Variants in ST3GAL1 observed in about 807,000 individuals in gnomAD.
The protein encoded by ST3GAL1 is ST3 beta-galactoside alpha-2,3-sialyltransferase 1.
ST3GAL1 carries 16 observed loss-of-function variants against 34.1 expected under a neutral mutation model. The ratio of observed to expected loss-of-function variants is 0.47; its 90% CI spans 0.32 to 0.71. The LOEUF is 0.71. ST3GAL1 is among the 30% of genes least tolerant of loss of function. The pLI is 0.04. For synonymous variants in ST3GAL1, 191 were observed against 184.7 expected, an observed-to-expected ratio of 1.03 and a Z score of -0.28; for missense variants, 353 against 447.4, an observed-to-expected ratio of 0.79 and a Z score of 1.90.
At chr8:133,567,620 G>A (rs1011952351) in intron 1 of ST3GAL1, among the ~76,000 whole-genome samples, 1 of 152,172 alleles carries the variant, frequency 6.6e-6, no homozygotes, top group Admixed American at 6.5e-5. Flanking sequence ...TCAGGTTTCA[G>A]ACCTCAGAGT....
chr8:133,545,493 T>C (rs141408610), intron 2 of ST3GAL1, among the ~76,000 whole-genome samples: 1 of 152,344 alleles, frequency 6.6e-6, no homozygotes, highest in African/African-American at 2.4e-5. Context: ...TCCAGGTTTT[T>C]ACTTACCAGT....
At chr8:133,512,163 G>C (rs1370808960) in intron 2 of ST3GAL1, among the ~76,000 whole-genome samples, 2 of 152,188 alleles carry the variant, frequency 1.3e-5, no homozygotes, top group South Asian at 2.1e-4. Flanking sequence ...TGGTGGATCA[G>C]TATGAGACCC....
At position 133,471,320 on chromosome 8, in the gene ST3GAL1, G is replaced by A. The variant is rs192369932; in HGVS notation, c.306+4399C>T. ...ACAACTGAGCCCCTATCACATCCCC[G>A]GTGCCGTGTGGGGTGGACAGGTGGG... On this transcript the variant is annotated intron_variant, in intron 5 of 9. Coordinates refer to ENST00000522652, the MANE Select transcript of ST3GAL1 (RefSeq NM_173344.3). Among the ~76,000 whole-genome samples the A allele has an allele frequency of 5.5e-4, 84 of 152,196 alleles. 1 individual carries two copies. The highest frequency in any genetic ancestry group is 2.4e-4 in the Non-Finnish European group (16 of 68,024).
intron 3 of ST3GAL1, among the ~76,000 whole-genome samples, chr8:133,482,445 C>T (rs1465072136): frequency 6.6e-6 from 1 of 152,216 alleles, no homozygotes; most frequent in East Asian, 1.9e-4. Flanking sequence ...CCTCCTCACA[C>T]CAGCCAAGTG....
At chr8:133,480,270 T>C (rs1816332181) in intron 3 of ST3GAL1, among the ~76,000 whole-genome samples, 1 of 152,294 alleles carries the variant, frequency 6.6e-6, no homozygotes, top group Non-Finnish European at 1.5e-5. Flanking sequence ...GACTGAAAAG[T>C]AAGAATTTCC....
chr8:133,535,525 A>ATTTTCTTTTTTTTTTTTTT (rs1818283963), intron 2 of ST3GAL1, among the ~76,000 whole-genome samples: 1 of 144,936 alleles, frequency 6.9e-6, no homozygotes, highest in African/African-American at 2.7e-5. Context: ...GTATTTTTTA[A>ATTTTCTTTTTTTTTTTTTT]TTTTTTTTTT....
intron 2 of ST3GAL1, among the ~76,000 whole-genome samples, chr8:133,522,873 C>G (rs566609767): frequency 6.6e-6 from 1 of 152,114 alleles, no homozygotes; most frequent in Non-Finnish European, 1.5e-5. Flanking sequence ...CCTCACCAGG[C>G]GAGGGAAGGG....
intron 2 of ST3GAL1, among the ~76,000 whole-genome samples, chr8:133,540,411 C>T (rs1347496290): frequency 6.6e-6 from 1 of 152,274 alleles, no homozygotes; most frequent in African/African-American, 2.4e-5. Flanking sequence ...GGAGGAAATG[C>T]TTTAGCTCCA....
chr8:133,553,986 G>T (rs985738267), intron 1 of ST3GAL1, among the ~76,000 whole-genome samples: 2 of 152,100 alleles, frequency 1.3e-5, no homozygotes, highest in Admixed American at 1.3e-4. Flanking sequence ...GGTGTCCGGG[G>T]CCTTATTGCT....
chr8:133,464,717 G>A, intron 7 of ST3GAL1, 61 bp downstream of exon 7: 2 of 1,543,294 alleles, frequency 1.3e-6, no homozygotes, highest in Non-Finnish European at 1.8e-6. Context: ...CGGCAGGGTG[G>A]GGGGACAGGG....
In ST3GAL1 at chr8:133,534,869, T is replaced by C. The variant is rs114817749; in HGVS notation, c.-429+10905A>G. ...TCTCGGTGCTGGTGAGGGAAAGGCA[T>C]GCCTGGCCCACAGGGTGCTCTGTGA... On this transcript the variant is annotated intron_variant, in intron 2 of 9. Transcript: ENST00000522652. Among the ~76,000 whole-genome samples, 1,490 of 152,290 alleles carry C rather than the reference T, an allele frequency of 9.8e-3. 25 individuals are homozygous for C. Among genetic ancestry groups the C allele is most frequent in the African/African-American group, 0.034 (1,411 of 41,556 alleles).
At chr8:133,562,855 T>TCTTTCTTTCTTTCTTTC (rs1563744754) in intron 1 of ST3GAL1, among the ~76,000 whole-genome samples, 1,782 of 147,556 alleles carry the variant, frequency 0.012, 51 homozygotes, top group African/African-American at 0.042. Context: ...TCTTTCTTTT[T>TCTTTCTTTCTTTCTTTC]TTTTTTTTTT....
At chr8:133,492,102 G>A (rs997210824) in intron 3 of ST3GAL1, among the ~76,000 whole-genome samples, 14 of 152,246 alleles carry the variant, frequency 9.2e-5, no homozygotes, top group African/African-American at 2.2e-4. Context: ...CGGGATGGAC[G>A]ATACGAGGGG....
Position 133,459,736 on chromosome 8 carries a change from G to C in ST3GAL1, c.*28C>G. ...GGGCTGGAAATGCAGAGGTGTGACA[G>C]TGCGTCCATCCTCAGCCCTTCACTG... On this transcript the variant is annotated 3_prime_UTR_variant, in exon 10 of 10. Transcript: ENST00000522652. This position sits in a 1 kb window ranked among gnomAD's most constrained non-coding sequence, Gnocchi z 4.7. 6.3e-7 allele frequency: 1 copy of C among 1,583,216 alleles called. No homozygotes were observed. Among genetic ancestry groups the C allele is most frequent in the Non-Finnish European group, 8.6e-7 (1 of 1,161,364 alleles).
intron 2 of ST3GAL1, among the ~76,000 whole-genome samples, chr8:133,541,086 T>C (rs1563734541): frequency 9.8e-6 from 1 of 101,546 alleles, no homozygotes; most frequent in Non-Finnish European, 1.9e-5. Context: ...TATAGACATA[T>C]ATATATAAAC....
chr8:133,459,675 C>T lies in ST3GAL1; in HGVS notation c.*89G>A. Reference sequence around the variant, plus strand: ...AGGCACACACCTGAGGCTGCCCCTCCAAGCTCCGGGATGGAACGGCTCCAG... The same window carrying T: ...AGGCACACACCTGAGGCTGCCCCTCTAAGCTCCGGGATGGAACGGCTCCAG... On this transcript the variant is annotated 3_prime_UTR_variant, in exon 10 of 10. Coordinates refer to ENST00000522652, the MANE Select transcript of ST3GAL1 (RefSeq NM_173344.3). The surrounding 1 kb of genome is among the most constrained non-coding windows in gnomAD (Gnocchi z 4.7). 1.3e-6 allele frequency: 2 copies of T among 1,494,488 alleles called. No individual in the cohort carries two copies. Among genetic ancestry groups the T allele is most frequent in the Non-Finnish European group, 1.8e-6 (2 of 1,115,606 alleles). 92.6% of individuals were successfully genotyped at this position (1,494,488 alleles called of 1,614,324 possible).
Position 133,556,265 on chromosome 8 carries a change from G to T in ST3GAL1, c.-581-10339C>A, listed in dbSNP as rs931258472. 1.3e-5 allele frequency among the ~76,000 whole-genome samples: 2 copies of T among 152,130 alleles called. No homozygotes were observed. Among genetic ancestry groups the T allele is most frequent in the Admixed American group, 1.3e-4 (2 of 15,276 alleles). ...TGGTGTCACCCCCAGAGCACAAGGG[G>T]TAACACTAAGCTCGGACGTGGAAGT... On this transcript the variant is annotated intron_variant, in intron 1 of 9. Transcript: ENST00000522652. The surrounding 1 kb of genome is among the most constrained non-coding windows in gnomAD (Gnocchi z 8.9).
chr8:133,559,034 T>TG (rs1819139926), intron 1 of ST3GAL1, among the ~76,000 whole-genome samples: 1 of 93,576 alleles, frequency 1.1e-5, no homozygotes, highest in Non-Finnish European at 2.2e-5. Flanking sequence ...AGAGTGTGGT[T>TG]TTGTGTGTGT....
intron 1 of ST3GAL1, among the ~76,000 whole-genome samples, chr8:133,549,985 A>G (rs1818795125): frequency 6.6e-6 from 1 of 152,122 alleles, no homozygotes; most frequent in Non-Finnish European, 1.5e-5. Flanking sequence ...AAACAAACAA[A>G]CAAACAAAAC....
Sources: gnomAD v4.1 joint callset for allele counts (sites outside exome capture counted in the v4.1 genomes callset) on GRCh38, gnomAD v4.1.1 for gene constraint, Gnocchi (gnomAD v3.1) non-coding constraint, MANE v1.5 for transcripts, NCBI Gene and HGNC (gene_info 2026-07-23, HGNC 2026-07-21) for gene names.